Variants in SEZ6 observed in about 807,000 individuals in gnomAD.
SEZ6 encodes seizure related 6 homolog, also known as seizure protein 6 homolog.
A neutral mutation model predicts 101.0 loss-of-function variants in SEZ6; 53 were observed. The ratio of observed to expected loss-of-function variants is 0.52; its 90% CI spans 0.42 to 0.66. SEZ6 has a LOEUF of 0.66. SEZ6 is among the 30% of genes least tolerant of loss of function. The pLI is 0.00. For synonymous variants in SEZ6, 488 were observed against 512.2 expected, an observed-to-expected ratio of 0.95 and a Z score of 0.64; for missense variants, 1,102 against 1,289.4, an observed-to-expected ratio of 0.85 and a Z score of 2.23.
intron 4 of SEZ6, among the ~76,000 whole-genome samples, chr17:28,966,091 C>T (rs994852005): frequency 9.2e-5 from 13 of 141,638 alleles, no homozygotes; most frequent in African/African-American, 3.4e-4. Context: ...TGCAGTGAGT[C>T]GATATCATGC....
chr17:28,968,019 C>A (rs920839359), intron 4 of SEZ6, among the ~76,000 whole-genome samples: 1 of 139,276 alleles, frequency 7.2e-6, no homozygotes, highest in African/African-American at 2.8e-5. Context: ...CTGCCTGAGG[C>A]TGTGGGAGGG....
chr17:29,003,926 G>A (rs2152694551), intron 1 of SEZ6, among the ~76,000 whole-genome samples: 1 of 152,334 alleles, frequency 6.6e-6, no homozygotes, highest in African/African-American at 2.4e-5. Context: ...AGGCCACAGA[G>A]TGAGCAGATT....
At chr17:28,996,375 G>A (rs1316533173) in intron 1 of SEZ6, among the ~76,000 whole-genome samples, 2 of 152,136 alleles carry the variant, frequency 1.3e-5, no homozygotes, top group Non-Finnish European at 2.9e-5. Context: ...GGCACCTTTT[G>A]CCTGAGGGGA....
rs919901521 is a variant in SEZ6, at chr17:29,005,922, G to T, written c.-53C>A. On this transcript the variant is annotated 5_prime_UTR_variant, in exon 1 of 17. Coordinates refer to ENST00000317338, the MANE Select transcript of SEZ6 (RefSeq NM_178860.5). The surrounding 1 kb of genome is among the most constrained non-coding windows in gnomAD (Gnocchi z 4.8). ...TGGGACCGCGGCGGGAGGGCGGGGG[G>T]CTTGGTGGGGCTTGGGCGCGGGGGC... 6.6e-6 allele frequency: 9 copies of T among 1,372,334 alleles called. No homozygotes were observed. In the African/African-American group the frequency reaches 1.2e-4, roughly 18 times the overall value. The allele number at this position is 1,372,334 out of a possible 1,614,324, so 85.0% of individuals were successfully genotyped here.
chr17:28,970,644 C>T (rs1186797137), intron 3 of SEZ6, among the ~76,000 whole-genome samples: 5 of 152,212 alleles, frequency 3.3e-5, no homozygotes, highest in African/African-American at 9.7e-5. Context: ...CCTAGATCAC[C>T]GCAGCAGCCT....
chr17:28,970,267 C>T (rs1335313300), intron 3 of SEZ6, among the ~76,000 whole-genome samples: 1 of 152,190 alleles, frequency 6.6e-6, no homozygotes, highest in Non-Finnish European at 1.5e-5. Flanking sequence ...CTGTCCTGCC[C>T]CTCCCTGGGC....
chr17:28,964,309 T>C (rs2041030199), intron 4 of SEZ6, among the ~76,000 whole-genome samples, 162 bp from the exon 5 acceptor site: 1 of 152,146 alleles, frequency 6.6e-6, no homozygotes, highest in African/African-American at 2.4e-5. Context: ...CCCTAGAAGG[T>C]TACCAGTGAT....
intron 4 of SEZ6, among the ~76,000 whole-genome samples, chr17:28,967,705 C>T (rs764202232): frequency 1.3e-5 from 2 of 152,160 alleles, no homozygotes; most frequent in Non-Finnish European, 2.9e-5. Context: ...CTTATCACCA[C>T]TCTAGTAAGG....
intron 3 of SEZ6, among the ~76,000 whole-genome samples, chr17:28,977,072 A>C (rs976265593): frequency 1.3e-5 from 2 of 151,860 alleles, no homozygotes; most frequent in African/African-American, 4.8e-5. Context: ...TTGTGGAACA[A>C]ATCCACTCAA....
chr17:29,002,721 C>T (rs2041631386), intron 1 of SEZ6, among the ~76,000 whole-genome samples: 1 of 152,214 alleles, frequency 6.6e-6, no homozygotes. Flanking sequence ...GTTTCAGCAG[C>T]AGCCCCCAGA....
At position 28,955,791 on chromosome 17, in the gene SEZ6, G is replaced by A; in HGVS notation, c.*171C>T. On this transcript the variant is annotated 3_prime_UTR_variant, in exon 17 of 17. Transcript: ENST00000317338. Reference sequence around the variant, plus strand: ...AATGACACCAAGAAAATAGGCCATGGTGGGCATCGCAGGCGGGGAAGGGCA... The same window carrying A: ...AATGACACCAAGAAAATAGGCCATGATGGGCATCGCAGGCGGGGAAGGGCA... 2 of 788,646 alleles carry A rather than the reference G, an allele frequency of 2.5e-6. No homozygotes were observed. The highest frequency in any genetic ancestry group is 4.4e-6 in the Non-Finnish European group (2 of 458,094). 48.9% of individuals were successfully genotyped at this position (788,646 alleles called of 1,614,324 possible).
intron 3 of SEZ6, among the ~76,000 whole-genome samples, chr17:28,973,758 C>T (rs1435427438): frequency 6.6e-6 from 1 of 152,160 alleles, no homozygotes; most frequent in Non-Finnish European, 1.5e-5. Context: ...AGTCTTGATG[C>T]AATTTGCAGG....
At chr17:28,994,236 G>A (rs1446349729) in intron 1 of SEZ6, among the ~76,000 whole-genome samples, 2 of 152,096 alleles carry the variant, frequency 1.3e-5, no homozygotes, top group Admixed American at 6.5e-5. Flanking sequence ...GCCTCTCTGG[G>A]CCTGGCCGGT....
chr17:28,959,069 G>A lies in SEZ6; in HGVS notation c.2063C>T (p.Thr688Ile), dbSNP rs759120466. ...VTIQFQSDPG[T>I]SVLGYQQGFV... is the part of the protein sequence containing the mutation. ...GCCCTGCTGGTAGCCCAGCACTGAG[G>A]TCCCGGGGTCCGACTGGAACTGAAT... Residue 688 changes from threonine (T) to isoleucine (I), a missense_variant, in exon 10 of 17, where the codon ACC becomes ATC. By Grantham distance (89) the Thr-to-Ile change is moderately conservative. This residue lies in a region of SEZ6 where 556 missense variants were observed against 735.1 expected (regional missense o/e 0.76). Coordinates refer to ENST00000317338, the MANE Select transcript of SEZ6 (RefSeq NM_178860.5). This position sits in a 1 kb window ranked among gnomAD's most constrained non-coding sequence, Gnocchi z 4.4. 14 of 1,613,858 alleles carry A rather than the reference G, an allele frequency of 8.7e-6. No homozygotes were observed. The highest frequency in any genetic ancestry group is 1.2e-5 in the Non-Finnish European group (14 of 1,179,864).
chr17:29,001,985 T>C (rs775841823), intron 1 of SEZ6, among the ~76,000 whole-genome samples: 4 of 152,166 alleles, frequency 2.6e-5, no homozygotes, highest in Non-Finnish European at 5.9e-5. Context: ...CAGGGGTATA[T>C]GTGAGATCAC....
intron 2 of SEZ6, 104 bp from the exon 3 acceptor site, chr17:28,979,917 GTGTGT>G: frequency 8.1e-7 from 1 of 1,238,186 alleles, no homozygotes; most frequent in Admixed American, 2.8e-5. Flanking sequence ...GTGTGTGTGT[GTGTGT>G]GTGGTGAAGA....
In SEZ6 at chr17:28,960,519, G is replaced by A. The variant is rs1270582779; in HGVS notation, c.1562C>T (p.Ala521Val). 1 of 1,592,270 alleles carries A rather than the reference G, an allele frequency of 6.3e-7. No homozygotes were observed. Among genetic ancestry groups the A allele is most frequent in the Admixed American group, 1.8e-5 (1 of 56,934 alleles). The change falls in exon 7 of 17, where the codon GCC becomes GTC. Residue 521 changes from alanine (A) to valine (V), a missense_variant. Transcript: ENST00000317338. The part of the protein sequence containing the change: ...TDSSGAAAGM[A>V]LRYEAFQQGH... ...AGCAGGCTCACCCTCATAGCGCAGG[G>A]CCATGCCTGCAGCTGCCCCGCTGCT...
intron 3 of SEZ6, among the ~76,000 whole-genome samples, chr17:28,979,457 T>G (rs1306695444): frequency 1.3e-5 from 2 of 152,166 alleles, no homozygotes; most frequent in African/African-American, 4.8e-5. Context: ...CCCCTGCCCA[T>G]CCAAGGCTAG....
intron 3 of SEZ6, among the ~76,000 whole-genome samples, chr17:28,977,802 C>G (rs1896097491): frequency 6.6e-6 from 1 of 152,202 alleles, no homozygotes; most frequent in Non-Finnish European, 1.5e-5. Flanking sequence ...GCAGCTGGTG[C>G]TTTCCACCCA....
Sources: gnomAD v4.1 joint callset for allele counts (sites outside exome capture counted in the v4.1 genomes callset) on GRCh38, gnomAD v4.1.1 for gene constraint, gnomAD v4.1.1 regional missense constraint, Gnocchi (gnomAD v3.1) non-coding constraint, MANE v1.5 for transcripts, NCBI Gene and HGNC (gene_info 2026-07-23, HGNC 2026-07-21) for gene names.